Variants in CREB1 observed in about 807,000 individuals in gnomAD.
CREB1 encodes cyclic AMP-responsive element-binding protein 1.
CREB1 carries 2 observed loss-of-function variants against 42.0 expected under a neutral mutation model. That is an observed-to-expected ratio of 0.05 (90% confidence interval 0.02 to 0.15). The LOEUF is 0.15. CREB1 is among the 10% of genes least tolerant of loss of function. The pLI is 1.00. For synonymous variants in CREB1, 123 were observed against 139.9 expected (o/e 0.88, Z 0.85); for missense variants, 199 against 388.9 (o/e 0.51, Z 4.11).
chr2:207,577,360 A>AT, intron 6 of CREB1, 145 bp from the exon 7 acceptor site: 2 of 1,188,138 alleles, frequency 1.7e-6, no homozygotes, highest in Middle Eastern at 2.0e-4. Context: ...AAGAGTGCTG[A>AT]TTCTTTCAAC....
chr2:207,539,072 G>A (rs747406951), intron 1 of CREB1, among the ~76,000 whole-genome samples: 3 of 143,538 alleles, frequency 2.1e-5, no homozygotes, highest in Non-Finnish European at 3.0e-5. Context: ...GAGGAATCTC[G>A]CTCTGTCTCC....
At chr2:207,534,099 TTAA>T (rs1266880162) in intron 1 of CREB1, among the ~76,000 whole-genome samples, 1 of 152,278 alleles carries the variant, frequency 6.6e-6, no homozygotes, top group Non-Finnish European at 1.5e-5. Flanking sequence ...TCTTAACTTC[TTAA>T]TACCTCACTT....
At chr2:207,590,837 C>A (rs2084902409) in intron 7 of CREB1, among the ~76,000 whole-genome samples, 1 of 151,994 alleles carries the variant, frequency 6.6e-6, no homozygotes, top group Non-Finnish European at 1.5e-5. Context: ...GATTTAAGCC[C>A]TTTTTTTCTA....
At chr2:207,586,735 G>A (rs1025258408) in intron 7 of CREB1, among the ~76,000 whole-genome samples, 2 of 152,048 alleles carry the variant, frequency 1.3e-5, no homozygotes, top group African/African-American at 4.8e-5. Context: ...TTAAAAAGTG[G>A]ACAAAAGGTC....
Position 207,555,655 on chromosome 2 carries a change from C to G in CREB1, c.20C>G (p.Ala7Gly), listed in dbSNP as rs2081687728. 3 of 1,611,918 alleles carry G rather than the reference C, an allele frequency of 1.9e-6. No individual in the cohort carries two copies. Among genetic ancestry groups the G allele is most frequent in the Non-Finnish European group, 2.5e-6 (3 of 1,178,538 alleles). Reference protein sequence around the residue: MTMESGAENQQSGDAAV... With the variant: MTMESGGENQQSGDAAV... The stretch of plus-strand genomic sequence containing the variant: ...AACTAAATGACCATGGAATCTGGAG[C>G]CGAGAACCAGCAGAGTGGAGATGCA... The change falls in exon 2 of 8, where the codon GCC (alanine) becomes GGC (glycine). Residue 7 changes from alanine to glycine, a missense_variant. Transcript: ENST00000353267.
At chr2:207,538,077 C>CTGTT (rs1430677742) in intron 1 of CREB1, among the ~76,000 whole-genome samples, 3 of 152,126 alleles carry the variant, frequency 2.0e-5, no homozygotes, top group Admixed American at 6.5e-5. Context: ...TGACTGTGAA[C>CTGTT]TGTTACATGA....
At chr2:207,542,729 C>A (rs1054852855) in intron 1 of CREB1, among the ~76,000 whole-genome samples, 12 of 151,980 alleles carry the variant, frequency 7.9e-5, no homozygotes, top group Non-Finnish European at 8.8e-5. Context: ...ATCATAAATT[C>A]TTGTTTATTA....
intron 7 of CREB1, among the ~76,000 whole-genome samples, chr2:207,590,821 A>C (rs1209667226): frequency 2.0e-5 from 3 of 152,214 alleles, no homozygotes; most frequent in Non-Finnish European, 4.4e-5. Flanking sequence ...CTTGATATAA[A>C]TAATTGATTT....
In CREB1 at chr2:207,598,488, A is replaced by G. The variant is rs1220830449; in HGVS notation, c.*1430A>G. The G allele has an allele frequency of 7.3e-4, 3 of 4,082 alleles. No individual in the cohort carries two copies. The highest frequency in any genetic ancestry group is 1.2e-3 in the Non-Finnish European group (3 of 2,562). 0.3% of individuals were successfully genotyped at this position (4,082 alleles called of 1,614,324 possible). On this transcript the variant is annotated 3_prime_UTR_variant, in exon 8 of 8. Coordinates refer to ENST00000353267, the MANE Select transcript of CREB1 (RefSeq NM_004379.5). The stretch of plus-strand genomic sequence containing the variant: ...TCGATAAATCTAACAGTTACTCTTA[A>G]AAAAAAAAAAAAAAGACTAAGGTGG...
At position 207,547,715 on chromosome 2, in the gene CREB1, G is replaced by T. The variant is rs182063182; in HGVS notation, c.-8-7913G>T. On this transcript the variant is annotated intron_variant, in intron 1 of 7. Transcript: ENST00000353267. ...CTTTGCTAAGCAACACTGTCTCTTG[G>T]TGGTCACATACATGAAGACTTGTTT... 1.5e-3 allele frequency among the ~76,000 whole-genome samples: 227 copies of T among 152,148 alleles called. 2 individuals carry two copies. The Middle Eastern group carries it at 0.017, about 11-fold the overall frequency.
chr2:207,567,622 A>G (rs3730276), intron 4 of CREB1, 59 bp downstream of exon 4: 32,453 of 1,211,500 alleles, frequency 0.027, 585 homozygotes, highest in African/African-American at 0.062. Context: ...AGTTGCAGAT[A>G]AAGAGATGTC....
At chr2:207,583,633 A>G (rs921417208) in intron 7 of CREB1, among the ~76,000 whole-genome samples, 4 of 152,274 alleles carry the variant, frequency 2.6e-5, no homozygotes, top group African/African-American at 9.6e-5. Context: ...ATTTGTCACA[A>G]TCTTCAGTCT....
At chr2:207,593,018 C>T (rs73056953) in intron 7 of CREB1, among the ~76,000 whole-genome samples, 7,264 of 152,252 alleles carry the variant, frequency 0.048, 599 homozygotes, top group African/African-American at 0.17. Flanking sequence ...ATGTTGGAGA[C>T]GGTCACACAG....
chr2:207,603,475 G>GT lies in CREB1; in HGVS notation c.*6425dup, dbSNP rs551183821. 53 of 224,418 alleles carry GT rather than the reference G, an allele frequency of 2.4e-4. 1 individual carries two copies. The South Asian group carries it at 4.1e-3, about 17-fold the overall frequency. The allele number at this position is 224,418 out of a possible 1,614,324, so 13.9% of individuals were successfully genotyped here. A position where few individuals can be genotyped will look rare whatever the true frequency, so the allele number is the denominator to read the frequency against. ...GGATGGGATCTCTATATTTTGTTGG[G>GT]TTTTTTTTGCTAGTAGTGTGAAGCC... On this transcript the variant is annotated 3_prime_UTR_variant, in exon 8 of 8. Coordinates refer to ENST00000353267, the MANE Select transcript of CREB1 (RefSeq NM_004379.5).
intron 1 of CREB1, among the ~76,000 whole-genome samples, chr2:207,553,620 T>C (rs1427056585): frequency 1.3e-5 from 2 of 152,206 alleles, no homozygotes; most frequent in Non-Finnish European, 2.9e-5. Context: ...TTAAAAAACT[T>C]TGTATGCATC....
chr2:207,575,348 C>G lies in CREB1; in HGVS notation c.582C>G (p.Thr194=), dbSNP rs56020464. ...TDGVQGLQTL[T]MTNAAATQPG... ...GGGTACAGGGCCTGCAAACATTAAC[C>G]ATGACCAATGCAGCAGCCACTCAGC... Residue 194 remains threonine, a synonymous_variant, in exon 6 of 8, where the codon ACC becomes ACG. Transcript: ENST00000353267. 4.5e-3 allele frequency: 7,205 copies of G among 1,614,092 alleles called. 45 individuals carry two copies. Among genetic ancestry groups the G allele is most frequent in the Middle Eastern group, 0.012 (75 of 6,062 alleles).
At chr2:207,567,814 G>T (rs555932663) in intron 4 of CREB1, 2 of 261,174 alleles carry the variant, frequency 7.7e-6, no homozygotes, top group Non-Finnish European at 1.5e-5. Context: ...CTGTCTTTCT[G>T]TTAAAAGTTT....
chr2:207,577,449 T>A (rs2082640585), intron 6 of CREB1, 56 bp from the exon 7 acceptor site: 1 of 1,587,520 alleles, frequency 6.3e-7, no homozygotes, highest in Non-Finnish European at 8.6e-7. Flanking sequence ...TTGATACACA[T>A]AATTGAATCA....
At chr2:207,586,458 A>C (rs958717672) in intron 7 of CREB1, among the ~76,000 whole-genome samples, 45 of 152,340 alleles carry the variant, frequency 3.0e-4, no homozygotes, top group African/African-American at 1.1e-3. Context: ...AAACTCTTAG[A>C]CTACTAGAAG....
Sources: gnomAD v4.1 joint callset for allele counts (sites outside exome capture counted in the v4.1 genomes callset) on GRCh38, gnomAD v4.1.1 for gene constraint, MANE v1.5 for transcripts, NCBI Gene and HGNC (gene_info 2026-07-23, HGNC 2026-07-21) for gene names.